SPATA13: variants seen among roughly 807,000 people sequenced by gnomAD.
SPATA13 encodes spermatogenesis associated 13.
SPATA13 carries 50 observed loss-of-function variants against 104.0 expected under a neutral mutation model. The ratio of observed to expected loss-of-function variants is 0.48; its 90% CI spans 0.38 to 0.61. The LOEUF (loss-of-function observed/expected upper bound fraction) is 0.61, where lower values mean the gene tolerates loss of function less well. Ranked by LOEUF, SPATA13 falls within the 20% of genes least tolerant of loss-of-function variation. The pLI, the probability that SPATA13 is intolerant of heterozygous loss-of-function variation, is 0.00. For synonymous variants in SPATA13, 606 were observed against 667.5 expected (o/e 0.91, Z 1.42); for missense variants, 1,524 against 1,690.6 (o/e 0.90, Z 1.73).
chr13:24,295,187 A>T (rs1313237089), intron 10 of SPATA13, among the ~76,000 whole-genome samples: 2 of 152,198 alleles, frequency 1.3e-5, no homozygotes, highest in Non-Finnish European at 2.9e-5. Context: ...ACATAGTAGT[A>T]GAAGTATGGG....
At chr13:24,263,196 T>G (rs533342361) in intron 4 of SPATA13, among the ~76,000 whole-genome samples, 42 of 152,362 alleles carry the variant, frequency 2.8e-4, no homozygotes, top group Admixed American at 2.2e-3. Context: ...TCTTGCTGCT[T>G]CTGCATTTTA....
chr13:24,073,318 T>C (rs1879229179), intron 3 of SPATA13, among the ~76,000 whole-genome samples: 1 of 152,232 alleles, frequency 6.6e-6, no homozygotes, highest in South Asian at 2.1e-4. Flanking sequence ...AGCCTCTTCA[T>C]CAACTAGGGC....
chr13:24,016,146 CT>C, intron 2 of SPATA13, among the ~76,000 whole-genome samples: 1 of 152,188 alleles, frequency 6.6e-6, no homozygotes, highest in Non-Finnish European at 1.5e-5. Flanking sequence ...TCAGACACCC[CT>C]GAGACCTGCC....
At chr13:24,175,710 T>TAG (rs1349143744) in intron 1 of SPATA13, among the ~76,000 whole-genome samples, 2 of 152,224 alleles carry the variant, frequency 1.3e-5, no homozygotes, top group Non-Finnish European at 2.9e-5. Flanking sequence ...TCATCTCTTC[T>TAG]AAACAGTTTG....
intron 2 of SPATA13, among the ~76,000 whole-genome samples, chr13:23,994,321 T>C (rs1254889144): frequency 6.6e-6 from 1 of 152,214 alleles, no homozygotes; most frequent in Non-Finnish European, 1.5e-5. Context: ...GTAGTATGAA[T>C]GGAGCTTCAG....
intron 1 of SPATA13, among the ~76,000 whole-genome samples, chr13:24,166,844 C>T (rs535986023): frequency 3.4e-4 from 52 of 152,328 alleles, no homozygotes; most frequent in African/African-American, 1.1e-3. Context: ...ATCTCCTTCA[C>T]GAGAGGGGAG....
At chr13:24,137,304 C>T (rs945932711) in intron 3 of SPATA13, among the ~76,000 whole-genome samples, 3 of 152,122 alleles carry the variant, frequency 2.0e-5, no homozygotes, top group African/African-American at 4.8e-5. Flanking sequence ...TTGCCAGGGG[C>T]CTGCTCCTGG....
chr13:24,221,411 C>T (rs1282079963), intron 1 of SPATA13, among the ~76,000 whole-genome samples: 1 of 152,042 alleles, frequency 6.6e-6, no homozygotes, highest in South Asian at 2.1e-4. Context: ...TTATTGAGAA[C>T]GGGGGGCTGA....
At chr13:24,227,718 G>A (rs1470966331) in intron 2 of SPATA13, among the ~76,000 whole-genome samples, 2 of 151,926 alleles carry the variant, frequency 1.3e-5, no homozygotes, top group African/African-American at 4.8e-5. Context: ...TTACAAGCGT[G>A]TACTAACATG....
intron 1 of SPATA13, among the ~76,000 whole-genome samples, chr13:24,185,108 C>T (rs142028306): frequency 7.2e-5 from 11 of 152,304 alleles, no homozygotes; most frequent in African/African-American, 2.2e-4. Context: ...GCATTTCCCC[C>T]GCTTTCTGTA....
At chr13:24,107,237 C>CAAAAAAAAAAAAAAAAAAA (rs11421515) in intron 3 of SPATA13, among the ~76,000 whole-genome samples, 1 of 34,266 alleles carries the variant, frequency 2.9e-5, no homozygotes, top group Non-Finnish European at 4.6e-5. Flanking sequence ...GAACAAGAGG[C>CAAAAAAAAAAAAAAAAAAA]AAAAAAAAAA....
At chr13:24,108,655 A>C (rs1330098376) in intron 3 of SPATA13, among the ~76,000 whole-genome samples, 1 of 57,798 alleles carries the variant, frequency 1.7e-5, no homozygotes, top group Non-Finnish European at 3.6e-5. Context: ...GCTGCTTTTC[A>C]TGGTAGGGGG....
chr13:24,048,471 A>C (rs1034124443), intron 3 of SPATA13, among the ~76,000 whole-genome samples: 13 of 152,222 alleles, frequency 8.5e-5, no homozygotes, highest in African/African-American at 3.1e-4. Context: ...TAAACTAATC[A>C]AGGATGAAGA....
At chr13:24,103,324 A>G (rs913560507) in intron 3 of SPATA13, among the ~76,000 whole-genome samples, 4 of 151,912 alleles carry the variant, frequency 2.6e-5, no homozygotes, top group African/African-American at 4.8e-5. Flanking sequence ...TGTTTGTCCT[A>G]TCATGTACAG....
intron 4 of SPATA13, among the ~76,000 whole-genome samples, chr13:24,271,980 A>T (rs76346583): frequency 2.6e-5 from 4 of 152,208 alleles, no homozygotes; most frequent in African/African-American, 9.6e-5. Context: ...GGAAAAAAAA[A>T]GTTGCCTGGC....
chr13:24,249,841 A>G lies in SPATA13; in HGVS notation c.2018A>G (p.Gln673Arg). ...GAGGAACTGGACAATCTTCTGACCC[A>G]AGTAAGATCTGGTGTGCACTTCCCC... ...QTEELDNLLT[Q>R]PASRPPMPAH... The change falls in exon 3 of 13, where the codon CAA becomes CGA. Residue 673 changes from glutamine (Q) to arginine (R), a missense_variant and splice_region_variant. Around this residue, in one of 2 missense-constraint regions of SPATA13, gnomAD observed 1,089 missense variants for 1,135.9 expected, o/e 0.96. Transcript: ENST00000382108. 6.3e-7 allele frequency: 1 copy of G among 1,595,116 alleles called. No homozygotes were observed.
At chr13:24,033,456 G>A (rs895111010) in intron 3 of SPATA13, 2 of 152,172 alleles carry the variant, frequency 1.3e-5, no homozygotes, top group Admixed American at 6.5e-5. Context: ...GCTGTGCAGA[G>A]AGGTCTCTCT....
chr13:24,015,310 T>C (rs1876660494), intron 2 of SPATA13, among the ~76,000 whole-genome samples: 1 of 152,214 alleles, frequency 6.6e-6, no homozygotes, highest in Non-Finnish European at 1.5e-5. Context: ...AATAGACACA[T>C]GACATTATTT....
intron 3 of SPATA13, among the ~76,000 whole-genome samples, chr13:24,087,876 C>A (rs1286482156): frequency 6.6e-6 from 1 of 152,182 alleles, no homozygotes; most frequent in Non-Finnish European, 1.5e-5. Context: ...GGGCTGGTGA[C>A]CAGACACTCC....
Sources: gnomAD v4.1 joint callset for allele counts (sites outside exome capture counted in the v4.1 genomes callset) on GRCh38, gnomAD v4.1.1 for gene constraint, gnomAD v4.1.1 regional missense constraint, MANE v1.5 for transcripts, NCBI Gene and HGNC (gene_info 2026-07-23, HGNC 2026-07-21) for gene names.